Variants in PCDHA10 observed in about 807,000 individuals in gnomAD.
The protein encoded by PCDHA10 is protocadherin alpha-10.
A neutral mutation model predicts 61.2 loss-of-function variants in PCDHA10; 45 were observed. That is an observed-to-expected ratio of 0.74 (90% CI 0.58 to 0.94). PCDHA10 has a LOEUF of 0.94. PCDHA10 is among the 40% of genes least tolerant of loss of function. The pLI, the probability that PCDHA10 is intolerant of heterozygous loss-of-function variation, is 0.00. For missense variants in PCDHA10, 1,278 were observed against 1,236.2 expected, an observed-to-expected ratio of 1.03 and a Z score of -0.51; for synonymous variants, 602 against 548.8, an observed-to-expected ratio of 1.10 and a Z score of -1.35.
chr5:140,964,556 G>A (rs2095839745), intron 1 of PCDHA10, among the ~76,000 whole-genome samples: 1 of 152,166 alleles, frequency 6.6e-6, no homozygotes. Context: ...GCGACTTGGA[G>A]GGCTGGGAGG....
intron 1 of PCDHA10, chr5:140,884,432 C>G: frequency 6.2e-7 from 1 of 1,613,880 alleles, no homozygotes; most frequent in Non-Finnish European, 8.5e-7. Context: ...TACTGCGCTG[C>G]GGTGCTCGGC....
intron 1 of PCDHA10, chr5:140,967,312 A>G (rs1554229425): frequency 5.0e-6 from 8 of 1,611,226 alleles, no homozygotes; most frequent in Admixed American, 1.7e-5. Context: ...CCAACTCAGT[A>G]CAGACCTACG....
intron 1 of PCDHA10, among the ~76,000 whole-genome samples, chr5:140,885,118 C>CT (rs782576516): frequency 6.6e-6 from 1 of 152,022 alleles, no homozygotes; most frequent in Non-Finnish European, 1.5e-5. Context: ...TTTAAGTGCA[C>CT]TTTTCTTTCT....
intron 1 of PCDHA10, chr5:140,869,875 G>C: frequency 1.2e-6 from 2 of 1,610,396 alleles, no homozygotes. Flanking sequence ...TGCTGCTAAA[G>C]AAACTCTTGT....
At chr5:140,901,022 A>G (rs2068415143) in intron 1 of PCDHA10, among the ~76,000 whole-genome samples, 1 of 152,166 alleles carries the variant, frequency 6.6e-6, no homozygotes, top group Non-Finnish European at 1.5e-5. Flanking sequence ...AGAAACATCT[A>G]TTCAACTCTT....
chr5:140,968,855 A>G (rs2096275634), intron 1 of PCDHA10: 2 of 1,614,198 alleles, frequency 1.2e-6, no homozygotes, highest in Non-Finnish European at 1.7e-6. Flanking sequence ...GCATGTTAAG[A>G]GCCCTCGGAC....
chr5:140,877,797 C>T, intron 1 of PCDHA10: 1 of 1,613,630 alleles, frequency 6.2e-7, no homozygotes. Flanking sequence ...TCAGCCCAAG[C>T]CTTCAGCTGT....
intron 1 of PCDHA10, among the ~76,000 whole-genome samples, chr5:140,956,909 A>C (rs1395848380): frequency 2.0e-5 from 3 of 152,198 alleles, no homozygotes; most frequent in African/African-American, 7.2e-5. Context: ...TAAATGTATA[A>C]ACTTTAATCT....
chr5:140,945,346 A>C (rs2093775452), intron 1 of PCDHA10, among the ~76,000 whole-genome samples: 1 of 152,132 alleles, frequency 6.6e-6, no homozygotes, highest in South Asian at 2.1e-4. Context: ...AGCTTGGAAA[A>C]ATTAATACTG....
At chr5:140,919,876 G>A (rs2079336654) in intron 1 of PCDHA10, among the ~76,000 whole-genome samples, 1 of 152,174 alleles carries the variant, frequency 6.6e-6, no homozygotes, top group Non-Finnish European at 1.5e-5. Flanking sequence ...AGTCTTTGAA[G>A]ACATAATTAT....
In PCDHA10 at chr5:141,011,722, G is replaced by T. The variant is rs1229946779; in HGVS notation, c.*1785G>T. On this transcript the variant is annotated 3_prime_UTR_variant, in exon 4 of 4. Transcript: ENST00000307360. Reference sequence around the variant, plus strand: ...TGAATACTGACAATATTCCATGAGGGTGTGCAAGCACAAATTTTACCAATC... The same window carrying T: ...TGAATACTGACAATATTCCATGAGGTTGTGCAAGCACAAATTTTACCAATC... The T allele has an allele frequency of 6.5e-6, 1 of 153,690 alleles. No homozygotes were observed. The highest frequency in any genetic ancestry group is 1.5e-5 in the Non-Finnish European group (1 of 68,018). 9.5% of individuals were successfully genotyped at this position (153,690 alleles called of 1,614,324 possible).
In PCDHA10 at chr5:140,876,882, G is replaced by A. The variant is rs377092859; in HGVS notation, c.2388+18446G>A. The A allele has an allele frequency of 3.2e-5, 52 of 1,614,140 alleles. 1 individual carries two copies. The African/African-American group carries it at 4.3e-4, about 13-fold the overall frequency. On this transcript the variant is annotated intron_variant, in intron 1 of 3. Transcript: ENST00000307360. ...TGTTCGTGAAGGAGAACAACCCGCC[G>A]GGCTGCCACATCTTCACGGTGTCGG...
chr5:141,011,894 TATC>T lies in PCDHA10; in HGVS notation c.*1958_*1960del, dbSNP rs1554263691. 6.5e-6 allele frequency: 1 copy of T among 153,306 alleles called. No individual in the cohort carries two copies. The highest frequency in any genetic ancestry group is 2.4e-5 in the African/African-American group (1 of 41,080). 9.5% of individuals were successfully genotyped at this position (153,306 alleles called of 1,614,324 possible). On this transcript the variant is annotated 3_prime_UTR_variant, in exon 4 of 4. Transcript: ENST00000307360. Reference sequence around the variant, plus strand: ...AATTTAGAAGTTTGATTAATTATATTATCTATTTAGGCATTAATATAAAAGAGG... The same window carrying T: ...AATTTAGAAGTTTGATTAATTATATTTATTTAGGCATTAATATAAAAGAGG...
intron 1 of PCDHA10, among the ~76,000 whole-genome samples, chr5:140,949,595 G>A (rs1342869045): frequency 1.3e-5 from 2 of 151,566 alleles, no homozygotes; most frequent in Admixed American, 6.6e-5. Context: ...TATTAATGTG[G>A]CCATTCTAGT....
At chr5:140,987,211 C>A (rs1190567678) in intron 3 of PCDHA10, among the ~76,000 whole-genome samples, 1 of 145,070 alleles carries the variant, frequency 6.9e-6, no homozygotes, top group South Asian at 2.1e-4. Flanking sequence ...GAGACTCCAT[C>A]TCAAAAAAAA....
intron 1 of PCDHA10, chr5:140,870,319 T>G (rs782623881): frequency 3.7e-6 from 6 of 1,614,162 alleles, no homozygotes; most frequent in Non-Finnish European, 5.1e-6. Flanking sequence ...TTACTACTCG[T>G]TGGTGCTGGA....
intron 1 of PCDHA10, among the ~76,000 whole-genome samples, chr5:140,954,634 T>C (rs1366737169): frequency 6.6e-6 from 1 of 152,210 alleles, no homozygotes; most frequent in Admixed American, 6.5e-5. Flanking sequence ...GTTTTTCTTG[T>C]AAATTTGTTT....
rs149656802 is a variant in PCDHA10, at chr5:141,008,452, C to T, written c.2537-1175C>T. ...TTTGCCCAGACAGACCATTACCCTTCCTCTCCAGCTCTGACTTCTACTCTT... is the reference window on the plus strand; with the variant it reads ...TTTGCCCAGACAGACCATTACCCTTTCTCTCCAGCTCTGACTTCTACTCTT... On this transcript the variant is annotated intron_variant, in intron 3 of 3. Coordinates refer to ENST00000307360, the MANE Select transcript of PCDHA10 (RefSeq NM_018901.4). Among the ~76,000 whole-genome samples, 286 of 152,284 alleles carry T rather than the reference C, an allele frequency of 1.9e-3. 2 individuals carry two copies. Among genetic ancestry groups the T allele is most frequent in the African/African-American group, 6.5e-3 (272 of 41,548 alleles).
chr5:140,869,271 G>C (rs2050992128), intron 1 of PCDHA10: 1 of 1,613,468 alleles, frequency 6.2e-7, no homozygotes, highest in Admixed American at 1.7e-5. Flanking sequence ...GGCTGGAGCT[G>C]GCGGAGCTGG....
Sources: allele counts gnomAD v4.1 joint callset (sites outside exome capture counted in the v4.1 genomes callset), GRCh38; gene constraint gnomAD v4.1.1; transcripts MANE v1.5; gene names NCBI Gene and HGNC (gene_info 2026-07-23, HGNC 2026-07-21).